Variants in CDK14 observed in about 807,000 individuals in gnomAD.
CDK14 encodes the protein cyclin dependent kinase 14.
In CDK14, 34 loss-of-function variants were observed where a neutral mutation model predicts 60.7. That is an observed-to-expected ratio of 0.56 (90% CI 0.43 to 0.75). CDK14 has a LOEUF of 0.75. Among genes scored for constraint, CDK14 ranks in the 30% least tolerant of loss-of-function variants. The pLI is 0.00. For missense variants in CDK14, 482 were observed against 564.1 expected (o/e 0.85, Z 1.47); for synonymous variants, 197 against 203.7 (o/e 0.97, Z 0.28).
intron 10 of CDK14, among the ~76,000 whole-genome samples, chr7:91,005,102 G>A (rs867436928): frequency 9.9e-5 from 15 of 152,212 alleles, no homozygotes; most frequent in African/African-American, 1.4e-4. Flanking sequence ...GGCTGGTGGC[G>A]TGAGATTCCA....
intron 5 of CDK14, among the ~76,000 whole-genome samples, chr7:90,821,383 A>G (rs1789542787): frequency 6.6e-6 from 1 of 152,192 alleles, no homozygotes; most frequent in African/African-American, 2.4e-5. Context: ...GGGCCAGGCC[A>G]TTATGCCCGA....
At chr7:91,056,042 T>TC (rs1196277799) in intron 11 of CDK14, among the ~76,000 whole-genome samples, 1 of 152,186 alleles carries the variant, frequency 6.6e-6, no homozygotes. Context: ...CACCCTGAAC[T>TC]TTTAGGTCCC....
intron 2 of CDK14, among the ~76,000 whole-genome samples, chr7:90,665,141 T>G (rs1414627837): frequency 6.6e-6 from 1 of 151,748 alleles, no homozygotes; most frequent in African/African-American, 2.4e-5. Context: ...AAAAATTAGC[T>G]GGGCATAGTG....
At chr7:90,607,464 A>G (rs747309193) in intron 2 of CDK14, among the ~76,000 whole-genome samples, 2 of 152,216 alleles carry the variant, frequency 1.3e-5, no homozygotes, top group Non-Finnish European at 2.9e-5. Context: ...GGATGCCTCT[A>G]GAGTATGTGT....
intron 6 of CDK14, among the ~76,000 whole-genome samples, chr7:90,890,725 G>A (rs922847126): frequency 2.0e-5 from 3 of 152,126 alleles, no homozygotes; most frequent in Admixed American, 1.3e-4. Flanking sequence ...AATTCTTATA[G>A]CAATGTAGGC....
intron 2 of CDK14, among the ~76,000 whole-genome samples, chr7:90,689,855 G>A (rs1801517896): frequency 6.6e-6 from 1 of 152,080 alleles, no homozygotes; most frequent in African/African-American, 2.4e-5. Flanking sequence ...GAATAGATGA[G>A]GAATTTGAAA....
intron 1 of CDK14, 140 bp downstream of exon 1, chr7:90,596,858 C>T (rs1799197727): frequency 1.5e-6 from 1 of 680,466 alleles, no homozygotes; most frequent in Non-Finnish European, 2.6e-6. Flanking sequence ...GGGCACAGTG[C>T]TAGGGACCCG....
intron 4 of CDK14, among the ~76,000 whole-genome samples, chr7:90,779,212 CA>C (rs763361413): frequency 8.5e-5 from 13 of 152,056 alleles, no homozygotes; most frequent in Non-Finnish European, 1.3e-4. Context: ...GAGATTGCGC[CA>C]TTGTACTCCA....
chr7:90,671,542 A>G (rs1801098610), intron 2 of CDK14, among the ~76,000 whole-genome samples: 1 of 152,148 alleles, frequency 6.6e-6, no homozygotes, highest in Non-Finnish European at 1.5e-5. Context: ...CAGAAGGGAA[A>G]TCTGTGTGGC....
intron 3 of CDK14, among the ~76,000 whole-genome samples, chr7:90,736,350 GTTTTTTT>G (rs869290471): frequency 4.0e-5 from 2 of 50,314 alleles, no homozygotes; most frequent in Admixed American, 2.4e-4. Flanking sequence ...TTATGTTTTT[GTTTTTTT>G]TTTTTTTTTT....
chr7:90,628,598 A>G, intron 2 of CDK14, among the ~76,000 whole-genome samples: 1 of 152,016 alleles, frequency 6.6e-6, no homozygotes, highest in Non-Finnish European at 1.5e-5. Flanking sequence ...ATGTAGGAGG[A>G]TCAGTAGAGG....
At chr7:91,077,490 G>T (rs894606715) in intron 11 of CDK14, among the ~76,000 whole-genome samples, 14 of 151,856 alleles carry the variant, frequency 9.2e-5, no homozygotes, top group Non-Finnish European at 7.4e-5. Context: ...GGGGCCTGTT[G>T]GGGAGTCAGG....
chr7:90,776,556 CAG>C (rs1805054937), intron 4 of CDK14, among the ~76,000 whole-genome samples: 1 of 152,110 alleles, frequency 6.6e-6, no homozygotes, highest in Non-Finnish European at 1.5e-5. Flanking sequence ...TTCACACACA[CAG>C]GGGTCATGGG....
At chr7:90,651,118 C>T (rs1346218957) in intron 2 of CDK14, among the ~76,000 whole-genome samples, 1 of 152,086 alleles carries the variant, frequency 6.6e-6, no homozygotes, top group Non-Finnish European at 1.5e-5. Flanking sequence ...TTGTTTGTGT[C>T]CTCTTTTGTT....
chr7:90,750,342 C>T (rs1427298438), intron 4 of CDK14, among the ~76,000 whole-genome samples: 14 of 152,068 alleles, frequency 9.2e-5, no homozygotes, highest in African/African-American at 4.8e-5. Flanking sequence ...GTCTTGGCAC[C>T]GCTGAAGGAT....
At chr7:90,678,929 A>T (rs1486221222) in intron 2 of CDK14, among the ~76,000 whole-genome samples, 1 of 152,122 alleles carries the variant, frequency 6.6e-6, no homozygotes, top group Non-Finnish European at 1.5e-5. Context: ...AGTTGCAAAG[A>T]GAGTTGGAAA....
chr7:90,993,529 G>A (rs970616820), intron 10 of CDK14, among the ~76,000 whole-genome samples: 1 of 151,842 alleles, frequency 6.6e-6, no homozygotes, highest in African/African-American at 2.4e-5. Context: ...GAAGGGGAAG[G>A]AAGGAGGGGG....
At chr7:90,998,810 A>G (rs2115736512) in intron 10 of CDK14, among the ~76,000 whole-genome samples, 1 of 152,194 alleles carries the variant, frequency 6.6e-6, no homozygotes, top group East Asian at 1.9e-4. Context: ...AATGGCCTGA[A>G]CCCGGGAGGC....
intron 2 of CDK14, among the ~76,000 whole-genome samples, chr7:90,685,504 G>A (rs1407798956): frequency 6.6e-6 from 1 of 152,002 alleles, no homozygotes; most frequent in African/African-American, 2.4e-5. Flanking sequence ...TAGAGATAGA[G>A]TCTTGTTCTG....
Sources: allele counts gnomAD v4.1 joint callset (sites outside exome capture counted in the v4.1 genomes callset), GRCh38; gene constraint gnomAD v4.1.1; transcripts MANE v1.5; gene names NCBI Gene and HGNC (gene_info 2026-07-23, HGNC 2026-07-21).